The following ARHGAP24 variants were observed in gnomAD, a reference collection of about 807,000 sequenced individuals.
The protein encoded by ARHGAP24 is Rho GTPase activating protein 24, also known as rho GTPase-activating protein 24.
A neutral mutation model predicts 76.4 loss-of-function variants in ARHGAP24; 50 were observed. The observed-to-expected ratio is 0.65, with a 90% CI of 0.52 to 0.83. The LOEUF (loss-of-function observed/expected upper bound fraction) is 0.83. ARHGAP24 is among the 40% of genes least tolerant of loss of function. ARHGAP24 has a pLI of 0.00. For missense variants in ARHGAP24, 930 were observed against 914.2 expected (o/e 1.02, Z -0.22); for synonymous variants, 345 against 323.3 (o/e 1.07, Z -0.72).
chr4:85,759,145 A>G (rs1170210781), intron 3 of ARHGAP24, among the ~76,000 whole-genome samples: 2 of 152,192 alleles, frequency 1.3e-5, no homozygotes, highest in Non-Finnish European at 2.9e-5. Context: ...AAAAATATTA[A>G]TCTCAATTTT....
chr4:85,574,703 T>C (rs749147057), intron 2 of ARHGAP24, among the ~76,000 whole-genome samples: 13 of 152,240 alleles, frequency 8.5e-5, no homozygotes, highest in Admixed American at 3.3e-4. Flanking sequence ...TGTTTCCTAA[T>C]ACATTGAAAA....
chr4:85,743,392 C>CAAA lies in ARHGAP24; in HGVS notation c.268+21459_268+21461dup, dbSNP rs774717006. Among the ~76,000 whole-genome samples the CAAA allele has an allele frequency of 4.1e-4, 18 of 43,378 alleles. 3 individuals are homozygous for CAAA. Among genetic ancestry groups the CAAA allele is most frequent in the African/African-American group, 7.6e-4 (9 of 11,784 alleles). 28.5% of individuals were successfully genotyped at this position (43,378 alleles called of 152,430 possible). A position where few individuals can be genotyped will look rare whatever the true frequency, so the allele number is the denominator to read the frequency against. ...AAGACGCCAAGGCGGGATCCCATCTCAAAAAAAAAAAAAAAAAAAAAAAAA... is the reference window on the plus strand; with the variant it reads ...AAGACGCCAAGGCGGGATCCCATCTCAAAAAAAAAAAAAAAAAAAAAAAAAAAA... On this transcript the variant is annotated intron_variant, in intron 3 of 9. Transcript: ENST00000395184.
At chr4:85,554,995 T>G (rs1726301253) in intron 1 of ARHGAP24, among the ~76,000 whole-genome samples, 1 of 151,796 alleles carries the variant, frequency 6.6e-6, no homozygotes, top group East Asian at 1.9e-4. Flanking sequence ...TTTCTTATAG[T>G]GGCTATTTCA....
At chr4:85,911,360 G>A (rs993457367) in intron 3 of ARHGAP24, among the ~76,000 whole-genome samples, 4 of 151,956 alleles carry the variant, frequency 2.6e-5, no homozygotes, top group Admixed American at 1.3e-4. Flanking sequence ...TGTCTGGAGC[G>A]GCCACTGCCA....
At position 86,001,533 on chromosome 4, in the gene ARHGAP24, C is replaced by T; in HGVS notation, c.*811C>T. ...ATTTAACGATTCAGGCTTTGAATTA[C>T]TCTGTCCCTCTGGACCGAATCTCTT... On this transcript the variant is annotated 3_prime_UTR_variant, in exon 10 of 10. Transcript: ENST00000395184. The T allele has an allele frequency of 2.5e-6, 1 of 397,980 alleles. No individual in the cohort carries two copies. The highest frequency in any genetic ancestry group is 4.4e-6 in the Non-Finnish European group (1 of 225,848). The allele number at this position is 397,980 out of a possible 1,614,324, so 24.7% of individuals were successfully genotyped here.
At chr4:85,717,440 C>G (rs72974964) in intron 2 of ARHGAP24, among the ~76,000 whole-genome samples, 1 of 152,054 alleles carries the variant, frequency 6.6e-6, no homozygotes, top group African/African-American at 2.4e-5. Flanking sequence ...ATCTGCTTTG[C>G]GCAAGAACCT....
intron 1 of ARHGAP24, among the ~76,000 whole-genome samples, chr4:85,564,106 C>T (rs1202225883): frequency 6.6e-6 from 1 of 152,170 alleles, no homozygotes; most frequent in Non-Finnish European, 1.5e-5. Flanking sequence ...GTCAGATCTG[C>T]AGGCATATGC....
intron 2 of ARHGAP24, among the ~76,000 whole-genome samples, chr4:85,640,489 C>G (rs1218785892): frequency 6.6e-6 from 1 of 152,138 alleles, no homozygotes; most frequent in Non-Finnish European, 1.5e-5. Context: ...CTTGCCATAG[C>G]TAAATAATAC....
Position 85,794,258 on chromosome 4 carries a change from A to G in ARHGAP24, c.268+72286A>G, listed in dbSNP as rs574424439. Among the ~76,000 whole-genome samples, 8 of 152,304 alleles carry G rather than the reference A, an allele frequency of 5.3e-5. No individual in the cohort carries two copies. In the South Asian group the frequency reaches 1.7e-3, roughly 32 times the overall value. On this transcript the variant is annotated intron_variant, in intron 3 of 9. Coordinates refer to ENST00000395184, the MANE Select transcript of ARHGAP24 (RefSeq NM_001025616.3). ...ATTATAATGCAGTTTACATCTGTCA[A>G]AAGGATATCTGAATTCCATTGAAAT... is the stretch of plus-strand genomic sequence containing the variant.
intron 2 of ARHGAP24, among the ~76,000 whole-genome samples, chr4:85,673,158 C>T (rs772023016): frequency 6.6e-6 from 1 of 152,222 alleles, no homozygotes; most frequent in South Asian, 2.1e-4. Flanking sequence ...GCTGTGCTAC[C>T]CTGTTGCCCT....
chr4:85,843,816 T>G (rs1421960238), intron 3 of ARHGAP24, among the ~76,000 whole-genome samples: 1 of 152,132 alleles, frequency 6.6e-6, no homozygotes, highest in African/African-American at 2.4e-5. Flanking sequence ...TTAAAACCAT[T>G]GACTATGTTA....
intron 9 of ARHGAP24, among the ~76,000 whole-genome samples, chr4:85,997,371 TATAGATAGATAGATAGATAGATAG>T (rs70948774): frequency 2.0e-4 from 29 of 147,640 alleles, no homozygotes; most frequent in African/African-American, 5.1e-4. Flanking sequence ...AGATGATAGA[TATAGATAGATAGATAGATAGATAG>T]ATAGATAGAT....
At chr4:85,482,392 A>G (rs1480929174) in intron 1 of ARHGAP24, among the ~76,000 whole-genome samples, 1 of 152,168 alleles carries the variant, frequency 6.6e-6, no homozygotes, top group Non-Finnish European at 1.5e-5. Flanking sequence ...ACTTTTCAGT[A>G]CCTATAAGAT....
intron 1 of ARHGAP24, among the ~76,000 whole-genome samples, chr4:85,521,356 A>C (rs777323581): frequency 1.0e-5 from 1 of 95,662 alleles, no homozygotes; most frequent in African/African-American, 3.0e-5. Context: ...AGTGGAAATC[A>C]GGAGAATAGA....
At chr4:85,531,317 G>A (rs114541776) in intron 1 of ARHGAP24, among the ~76,000 whole-genome samples, 80 of 152,168 alleles carry the variant, frequency 5.3e-4, no homozygotes, top group African/African-American at 1.6e-3. Context: ...AGTGTCTGGA[G>A]TATAGGAAAT....
chr4:85,732,867 AT>A (rs1462165973), intron 3 of ARHGAP24, among the ~76,000 whole-genome samples: 281 of 132,322 alleles, frequency 2.1e-3, no homozygotes, highest in Admixed American at 2.1e-3. Context: ...CTAATTTTGT[AT>A]TTTTTTTTTT....
intron 3 of ARHGAP24, among the ~76,000 whole-genome samples, chr4:85,858,943 C>G (rs1036856743): frequency 1.6e-5 from 2 of 128,642 alleles, no homozygotes; most frequent in African/African-American, 5.2e-5. Flanking sequence ...GTATGGTACT[C>G]AGAAAAAAAA....
chr4:85,554,763 C>T (rs538159082), intron 1 of ARHGAP24, among the ~76,000 whole-genome samples: 12 of 152,084 alleles, frequency 7.9e-5, no homozygotes, highest in Admixed American at 6.5e-4. Flanking sequence ...CTCCACCTCC[C>T]GGGTTCACGC....
intron 1 of ARHGAP24, among the ~76,000 whole-genome samples, chr4:85,501,941 G>T (rs1472507221): frequency 6.6e-6 from 1 of 151,928 alleles, no homozygotes; most frequent in Non-Finnish European, 1.5e-5. Context: ...TTCTACATAT[G>T]GCTAGCCAGT....
Sources: gnomAD v4.1 joint callset for allele counts (sites outside exome capture counted in the v4.1 genomes callset) on GRCh38, gnomAD v4.1.1 for gene constraint, MANE v1.5 for transcripts, NCBI Gene and HGNC (gene_info 2026-07-23, HGNC 2026-07-21) for gene names.